Variants in SLC16A12 observed in about 807,000 individuals in gnomAD.
SLC16A12 encodes solute carrier family 16 member 12, also known as monocarboxylate transporter 12.
In SLC16A12, 17 loss-of-function variants were observed where a neutral mutation model predicts 42.4. That is an observed-to-expected ratio of 0.40 (90% CI 0.27 to 0.60). The LOEUF is 0.60. Ranked by LOEUF, SLC16A12 falls within the 20% of genes least tolerant of loss-of-function variation. The pLI is 0.42. For missense variants in SLC16A12, 544 were observed against 623.0 expected, an observed-to-expected ratio of 0.87 and a Z score of 1.35; for synonymous variants, 224 against 229.4, an observed-to-expected ratio of 0.98 and a Z score of 0.21.
intron 2 of SLC16A12, among the ~76,000 whole-genome samples, chr10:89,504,587 T>G (rs1210889757): frequency 1.3e-5 from 2 of 152,184 alleles, no homozygotes; most frequent in African/African-American, 2.4e-5. Context: ...AAATACTCAC[T>G]ATAAGGCCTA....
chr10:89,483,876 A>C (rs573574746), intron 2 of SLC16A12, among the ~76,000 whole-genome samples: 1 of 152,220 alleles, frequency 6.6e-6, no homozygotes, highest in East Asian at 1.9e-4. Context: ...TCTCACAAAA[A>C]CCCTCTGATA....
At chr10:89,514,502 T>C (rs2133843966) in intron 2 of SLC16A12, among the ~76,000 whole-genome samples, 1 of 152,334 alleles carries the variant, frequency 6.6e-6, no homozygotes, top group East Asian at 1.9e-4. Context: ...TCCTGGCCTG[T>C]AGACAATGGC....
chr10:89,532,947 C>T (rs1337498132), intron 2 of SLC16A12, among the ~76,000 whole-genome samples: 1 of 152,150 alleles, frequency 6.6e-6, no homozygotes, highest in African/African-American at 2.4e-5. Context: ...AACATGGTAC[C>T]ACTAACACTC....
chr10:89,468,502 G>A (rs1453649740), intron 2 of SLC16A12, among the ~76,000 whole-genome samples: 1 of 152,114 alleles, frequency 6.6e-6, no homozygotes. Context: ...AATTGTTATT[G>A]GCGTTTCTGT....
At chr10:89,532,311 C>T (rs1000972167) in intron 2 of SLC16A12, among the ~76,000 whole-genome samples, 1 of 152,110 alleles carries the variant, frequency 6.6e-6, no homozygotes, top group African/African-American at 2.4e-5. Context: ...ATCAGCTACT[C>T]CAGGTGCCTA....
At chr10:89,464,423 C>T (rs901082493) in intron 2 of SLC16A12, among the ~76,000 whole-genome samples, 41 of 152,108 alleles carry the variant, frequency 2.7e-4, no homozygotes, top group Admixed American at 1.4e-3. Context: ...CAGTCAGGGA[C>T]GAATTTTTTG....
chr10:89,530,414 T>G (rs74326061), intron 2 of SLC16A12, among the ~76,000 whole-genome samples: 497 of 146,730 alleles, frequency 3.4e-3, no homozygotes, highest in Non-Finnish European at 5.1e-3. Context: ...AATTTGGTGG[T>G]TTTTTTTTTT....
intron 2 of SLC16A12, among the ~76,000 whole-genome samples, chr10:89,478,221 A>G (rs1033296886): frequency 6.6e-6 from 1 of 152,146 alleles, no homozygotes; most frequent in Non-Finnish European, 1.5e-5. Context: ...GTCCCTGTTG[A>G]AGGGAAGCAG....
chr10:89,539,858 T>TTTCTTTC (rs1241545193), upstream of SLC16A12, among the ~76,000 whole-genome samples: 16 of 14,870 alleles, frequency 1.1e-3, no homozygotes, highest in African/African-American at 2.9e-3. Flanking sequence ...GAAACAAATT[T>TTTCTTTC]TTCTTTCTTT....
chr10:89,463,795 T>C (rs1262382547), intron 2 of SLC16A12, among the ~76,000 whole-genome samples: 1 of 152,212 alleles, frequency 6.6e-6, no homozygotes, highest in African/African-American at 2.4e-5. Context: ...ATCCCTAACA[T>C]GTGTCAGGCA....
chr10:89,465,918 A>C (rs1842388346), intron 2 of SLC16A12, among the ~76,000 whole-genome samples: 1 of 152,206 alleles, frequency 6.6e-6, no homozygotes, highest in Non-Finnish European at 1.5e-5. Flanking sequence ...AAGAAAAGAC[A>C]TGAGGAAGAA....
chr10:89,523,138 T>C (rs1282003627), intron 2 of SLC16A12, among the ~76,000 whole-genome samples: 1 of 152,164 alleles, frequency 6.6e-6, no homozygotes. Flanking sequence ...CTCCTTAGCC[T>C]ATAAATTTAC....
intron 2 of SLC16A12, among the ~76,000 whole-genome samples, chr10:89,505,277 G>A (rs112168548): frequency 0.053 from 7,991 of 151,866 alleles, 419 homozygotes; most frequent in African/African-American, 0.13. Flanking sequence ...TTAGCCTGGC[G>A]TGGTGGCAAC....
At chr10:89,434,017 A>G (rs1266718362) in intron 7 of SLC16A12, among the ~76,000 whole-genome samples, 1 of 152,254 alleles carries the variant, frequency 6.6e-6, no homozygotes, top group Non-Finnish European at 1.5e-5. Context: ...TTTATAATTA[A>G]CAAAGGTTTT....
chr10:89,531,653 T>C (rs557386428), intron 2 of SLC16A12, among the ~76,000 whole-genome samples: 1 of 152,284 alleles, frequency 6.6e-6, no homozygotes, highest in African/African-American at 2.4e-5. Context: ...GTCACATGCA[T>C]GTAGAGGGGC....
chr10:89,501,419 G>C (rs11185733), intron 2 of SLC16A12, among the ~76,000 whole-genome samples: 15,242 of 152,214 alleles, frequency 0.1, 821 homozygotes, highest in South Asian at 0.2. Flanking sequence ...TAAGGCCATA[G>C]TTACCAAAAC....
chr10:89,508,200 T>G (rs1258732196), intron 2 of SLC16A12, among the ~76,000 whole-genome samples: 1 of 152,140 alleles, frequency 6.6e-6, no homozygotes, highest in Non-Finnish European at 1.5e-5. Flanking sequence ...TATCCAGGAC[T>G]TAAACTCAGC....
chr10:89,436,804 G>GAGGAAGGAAGGA (rs72103752), intron 6 of SLC16A12, among the ~76,000 whole-genome samples: 3,959 of 131,382 alleles, frequency 0.03, 89 homozygotes, highest in South Asian at 0.1. Context: ...GAAAGGAAAG[G>GAGGAAGGAAGGA]AGGAAGGAAG....
At chr10:89,551,900 G>T (rs1843773155) in intron 2 of SLC16A12, among the ~76,000 whole-genome samples, 1 of 152,092 alleles carries the variant, frequency 6.6e-6, no homozygotes, top group Non-Finnish European at 1.5e-5. Context: ...AAGCTAAAAG[G>T]TTGTTTTGCC....
Sources: allele counts gnomAD v4.1 joint callset (sites outside exome capture counted in the v4.1 genomes callset), GRCh38; gene constraint gnomAD v4.1.1; transcripts MANE v1.5; gene names NCBI Gene and HGNC (gene_info 2026-07-23, HGNC 2026-07-21).